Variants in TSHZ2 observed in about 807,000 individuals in gnomAD.
TSHZ2 encodes teashirt homolog 2.
A neutral mutation model predicts 74.4 loss-of-function variants in TSHZ2; 21 were observed. The observed-to-expected ratio is 0.28, with a 90% CI of 0.20 to 0.41. The LOEUF is 0.41. TSHZ2 is among the 10% of genes least tolerant of loss of function. The pLI is 1.00. For synonymous variants in TSHZ2, 540 were observed against 515.3 expected (o/e 1.05, Z -0.65); for missense variants, 1,244 against 1,293.5 (o/e 0.96, Z 0.59).
chr20:53,454,714 C>G (rs117492219), intron 2 of TSHZ2, among the ~76,000 whole-genome samples: 1 of 152,142 alleles, frequency 6.6e-6, no homozygotes, highest in East Asian at 1.9e-4. Flanking sequence ...TGAAACCCTC[C>G]CAATTGTCCC....
intron 2 of TSHZ2, among the ~76,000 whole-genome samples, chr20:53,461,121 C>G (rs1417661881): frequency 1.3e-5 from 2 of 152,120 alleles, no homozygotes; most frequent in Non-Finnish European, 2.9e-5. Context: ...TGGGCAATGG[C>G]GGGCGCCCCT....
At chr20:52,983,992 G>A (rs549717767) in intron 1 of TSHZ2, among the ~76,000 whole-genome samples, 3 of 152,372 alleles carry the variant, frequency 2.0e-5, no homozygotes, top group African/African-American at 7.2e-5. Flanking sequence ...GCTACGGGCT[G>A]TTTCCTGGTA....
intron 1 of TSHZ2, among the ~76,000 whole-genome samples, chr20:53,035,022 T>A (rs1416398383): frequency 6.6e-6 from 1 of 152,108 alleles, no homozygotes; most frequent in Admixed American, 6.6e-5. Context: ...GAGATAATTA[T>A]CACTGGAACA....
At chr20:53,160,439 A>C (rs1387469599) in intron 1 of TSHZ2, among the ~76,000 whole-genome samples, 1 of 152,114 alleles carries the variant, frequency 6.6e-6, no homozygotes, top group Non-Finnish European at 1.5e-5. Context: ...GTATTGCTGG[A>C]GCCAAGTAAA....
At chr20:53,214,269 A>T (rs1989383092) in intron 1 of TSHZ2, among the ~76,000 whole-genome samples, 1 of 152,118 alleles carries the variant, frequency 6.6e-6, no homozygotes, top group African/African-American at 2.4e-5. Flanking sequence ...TGGCAGGGGG[A>T]GAGGGAGCGG....
intron 1 of TSHZ2, among the ~76,000 whole-genome samples, chr20:53,181,851 G>A (rs1988477212): frequency 6.6e-6 from 1 of 152,198 alleles, no homozygotes; most frequent in Non-Finnish European, 1.5e-5. Context: ...TCAAACAGGA[G>A]AAAGAGAAAT....
intron 2 of TSHZ2, among the ~76,000 whole-genome samples, chr20:53,337,615 T>C (rs985618043): frequency 6.6e-6 from 1 of 152,322 alleles, no homozygotes; most frequent in South Asian, 2.1e-4. Flanking sequence ...ACCTAGTTAC[T>C]GAACATCTAA....
chr20:53,252,624 C>T (rs1224293154), intron 1 of TSHZ2, among the ~76,000 whole-genome samples: 2 of 152,206 alleles, frequency 1.3e-5, no homozygotes, highest in African/African-American at 4.8e-5. Flanking sequence ...GAAGGGAAAG[C>T]ATGCATCCCC....
intron 1 of TSHZ2, among the ~76,000 whole-genome samples, chr20:53,170,063 A>T (rs908188276): frequency 6.6e-6 from 1 of 152,188 alleles, no homozygotes; most frequent in African/African-American, 2.4e-5. Flanking sequence ...TGGAAAACAG[A>T]TGTGAAAACT....
intron 2 of TSHZ2, among the ~76,000 whole-genome samples, chr20:53,424,214 T>C (rs1209485520): frequency 6.6e-6 from 1 of 152,238 alleles, no homozygotes; most frequent in African/African-American, 2.4e-5. Context: ...CCCTAGTTTC[T>C]ACCCATTGGA....
chr20:53,097,073 G>A (rs767436126), intron 1 of TSHZ2, among the ~76,000 whole-genome samples: 18 of 152,108 alleles, frequency 1.2e-4, no homozygotes, highest in Non-Finnish European at 2.2e-4. Flanking sequence ...CCCAACATCC[G>A]CACTGTAGAT....
intron 1 of TSHZ2, among the ~76,000 whole-genome samples, chr20:53,010,760 A>C (rs1031169673): frequency 2.6e-5 from 4 of 152,212 alleles, no homozygotes; most frequent in Non-Finnish European, 4.4e-5. Flanking sequence ...TTGGAGACCT[A>C]GAACATATTT....
At chr20:53,341,154 T>C (rs1037625410) in intron 2 of TSHZ2, among the ~76,000 whole-genome samples, 3 of 152,136 alleles carry the variant, frequency 2.0e-5, no homozygotes, top group Non-Finnish European at 4.4e-5. Flanking sequence ...GTCGGGGCAG[T>C]GAGTAAATTC....
chr20:53,068,287 C>T lies in TSHZ2; in HGVS notation c.40+94954C>T, dbSNP rs148660631. Among the ~76,000 whole-genome samples, 172 of 152,238 alleles carry T rather than the reference C, an allele frequency of 1.1e-3. No homozygotes were observed. In the Middle Eastern group the frequency reaches 0.017, roughly 15 times the overall value. Reference sequence around the variant, plus strand: ...TAAATTCCAACACTTTACCATCACCCACACCAGTCTATGGATCCCGAGTCC... The same window carrying T: ...TAAATTCCAACACTTTACCATCACCTACACCAGTCTATGGATCCCGAGTCC... On this transcript the variant is annotated intron_variant, in intron 1 of 2. Coordinates refer to ENST00000371497, the MANE Select transcript of TSHZ2 (RefSeq NM_173485.6).
intron 2 of TSHZ2, among the ~76,000 whole-genome samples, chr20:53,448,467 G>T (rs761111329): frequency 6.6e-6 from 1 of 152,154 alleles, no homozygotes; most frequent in Non-Finnish European, 1.5e-5. Context: ...CCTGAGAAAG[G>T]AACTCAGATA....
chr20:53,486,002 A>G (rs573887371), intron 2 of TSHZ2, among the ~76,000 whole-genome samples: 8 of 152,294 alleles, frequency 5.3e-5, no homozygotes, highest in African/African-American at 1.9e-4. Context: ...TTCATCTTAC[A>G]AAAGATGAAA....
intron 2 of TSHZ2, among the ~76,000 whole-genome samples, chr20:53,462,278 AT>A (rs1157692720): frequency 6.6e-6 from 1 of 151,856 alleles, no homozygotes; most frequent in Non-Finnish European, 1.5e-5. Context: ...ACAAAAATTC[AT>A]TTTCTTATAA....
intron 1 of TSHZ2, among the ~76,000 whole-genome samples, chr20:53,065,399 A>G (rs1179930244): frequency 6.6e-6 from 1 of 152,186 alleles, no homozygotes; most frequent in Non-Finnish European, 1.5e-5. Context: ...AAAGAGCTGC[A>G]GAAGGAACAA....
intron 1 of TSHZ2, among the ~76,000 whole-genome samples, chr20:53,162,199 C>T (rs929756106): frequency 6.6e-6 from 1 of 152,126 alleles, no homozygotes; most frequent in African/African-American, 2.4e-5. Flanking sequence ...AAGAGACTCG[C>T]CTCAAAATCA....
Sources: gnomAD v4.1 joint callset for allele counts (sites outside exome capture counted in the v4.1 genomes callset) on GRCh38, gnomAD v4.1.1 for gene constraint, MANE v1.5 for transcripts, NCBI Gene and HGNC (gene_info 2026-07-23, HGNC 2026-07-21) for gene names.